Variants in UGT1A5 observed in about 807,000 individuals in gnomAD.
The protein encoded by UGT1A5 is UDP-glucuronosyltransferase 1A5.
In UGT1A5, 29 loss-of-function variants were observed where a neutral mutation model predicts 40.3. The observed-to-expected ratio is 0.72, with a 90% CI of 0.54 to 0.98. The LOEUF is 0.98. UGT1A5 is among the 50% of genes least tolerant of loss of function. The pLI, the probability that UGT1A5 is intolerant of heterozygous loss-of-function variation, is 0.00. For synonymous variants in UGT1A5, 257 were observed against 262.5 expected (o/e 0.98, Z 0.20); for missense variants, 678 against 677.9 (o/e 1.00, Z 0.00).
At position 233,769,202 on chromosome 2, in the gene UGT1A5, CACAG is replaced by C. The variant is rs1699813403; in HGVS notation, c.1307+767_1307+770del. Among the ~76,000 whole-genome samples the C allele has an allele frequency of 6.6e-6, 1 of 152,204 alleles. No homozygotes were observed. Among genetic ancestry groups the C allele is most frequent in the African/African-American group, 2.4e-5 (1 of 41,446 alleles). On this transcript the variant is annotated intron_variant, in intron 4 of 4. Coordinates refer to ENST00000373414, the MANE Select transcript of UGT1A5 (RefSeq NM_019078.2). The surrounding 1 kb of genome is among the most constrained non-coding windows in gnomAD (Gnocchi z 4.4). ...TATGAATGAAGGAGCTATAAGATAT[CACAG>C]ACAAAGTCTTAGAATAAGAGCAAAG...
At chr2:233,748,975 A>G (rs527445283) in intron 1 of UGT1A5, among the ~76,000 whole-genome samples, 1 of 151,758 alleles carries the variant, frequency 6.6e-6, no homozygotes, top group African/African-American at 2.4e-5. Context: ...AGTGGGATCT[A>G]CTTCTTTACC....
chr2:233,761,169 A>C, intron 1 of UGT1A5: 1 of 1,614,188 alleles, frequency 6.2e-7, no homozygotes, highest in Non-Finnish European at 8.5e-7. Flanking sequence ...TTGGAGTGGG[A>C]CTTTTACATG....
At chr2:233,740,937 T>A (rs1575638428) in intron 1 of UGT1A5, 2 of 146,280 alleles carry the variant, frequency 1.4e-5, no homozygotes, top group Admixed American at 6.8e-5. Context: ...GTTTTTTTTT[T>A]AATTAGCTAG....
chr2:233,772,599 C>A lies in UGT1A5; in HGVS notation c.*40C>A, dbSNP rs1313882407. ...ATAAGGTAAAATTTTGAACCATTCC[C>A]TAGTCATTTCCAAACTTGAAAACAG... On this transcript the variant is annotated 3_prime_UTR_variant, in exon 5 of 5. Coordinates refer to ENST00000373414, the MANE Select transcript of UGT1A5 (RefSeq NM_019078.2). 3.8e-6 allele frequency: 6 copies of A among 1,591,492 alleles called. No individual in the cohort carries two copies. Among genetic ancestry groups the A allele is most frequent in the Non-Finnish European group, 5.1e-6 (6 of 1,168,132 alleles).
intron 4 of UGT1A5, chr2:233,770,632 T>G (rs561537548): frequency 1.3e-5 from 2 of 150,950 alleles, no homozygotes; most frequent in Admixed American, 6.6e-5. Flanking sequence ...CACTCCAGCC[T>G]GGGCGACAGA....
At chr2:233,731,645 T>A (rs910994370) in intron 1 of UGT1A5, among the ~76,000 whole-genome samples, 2 of 152,242 alleles carry the variant, frequency 1.3e-5, no homozygotes, top group Non-Finnish European at 2.9e-5. Context: ...TAGTATTCCA[T>A]GGTGTATATG....
rs267599271 is a variant in UGT1A5, at chr2:233,713,125, G to A, written c.134G>A (p.Arg45Gln). Residue 45 changes from arginine to glutamine, a missense_variant, in exon 1 of 5, where the codon CGG becomes CAG. Physicochemically the swap from Arg to Gln is conservative, Grantham distance 43 (BLOSUM62 1). Transcript: ENST00000373414. ...PTDGSHWLSMREALRDLHARG... is the reference protein window; with the variant it reads ...PTDGSHWLSMQEALRDLHARG... ...GATGGCAGCCACTGGCTCAGCATGC[G>A]GGAGGCCTTGCGGGACCTCCATGCG... 5.5e-5 allele frequency: 89 copies of A among 1,614,190 alleles called. No homozygotes were observed. Among genetic ancestry groups the A allele is most frequent in the Admixed American group, 3.2e-4 (19 of 60,030 alleles).
intron 1 of UGT1A5, chr2:233,747,256 G>T: frequency 6.2e-7 from 1 of 1,600,772 alleles, no homozygotes; most frequent in Non-Finnish European, 8.5e-7. Flanking sequence ...GCTGGCCACA[G>T]GAGTGCTACT....
At chr2:233,747,816 T>A in intron 1 of UGT1A5, 1 of 1,613,472 alleles carries the variant, frequency 6.2e-7, no homozygotes, top group Non-Finnish European at 8.5e-7. Flanking sequence ...AACGACCAAT[T>A]CAGACCACAT....
At chr2:233,749,891 C>G (rs769638729) in intron 1 of UGT1A5, among the ~76,000 whole-genome samples, 2 of 151,948 alleles carry the variant, frequency 1.3e-5, no homozygotes, top group African/African-American at 4.9e-5. Context: ...CTGAGGCTCC[C>G]CCCTCCAGCC....
At chr2:233,729,589 A>C (rs2077888801) in intron 1 of UGT1A5, 4 of 1,614,098 alleles carry the variant, frequency 2.5e-6, no homozygotes, top group Non-Finnish European at 2.5e-6. Context: ...AGACCCCGTT[A>C]ACCTCTGCGC....
rs1475467341 is a variant in UGT1A5 at position 233,713,411 on chromosome 2, C to G, written c.420C>G (p.His140Gln). 3.7e-6 allele frequency: 6 copies of G among 1,614,112 alleles called. No individual in the cohort carries two copies. Among genetic ancestry groups the G allele is most frequent in the Non-Finnish European group, 5.1e-6 (6 of 1,180,024 alleles). ...ELLHNEALIRHLHATSFDVVL... is the reference protein window; with the variant it reads ...ELLHNEALIRQLHATSFDVVL... The stretch of plus-strand genomic sequence containing the variant: ...TGCATAATGAGGCCCTGATCAGGCA[C>G]CTGCATGCTACTTCCTTTGATGTGG... Residue 140 changes from histidine (H) to glutamine (Q), a missense_variant, in exon 1 of 5, where the codon CAC becomes CAG. Physicochemically the swap from His to Gln is conservative, Grantham distance 24. Coordinates refer to ENST00000373414, the MANE Select transcript of UGT1A5 (RefSeq NM_019078.2).
intron 1 of UGT1A5, 116 bp from the exon 2 acceptor site, chr2:233,766,918 A>G: frequency 1.3e-6 from 2 of 1,548,282 alleles, no homozygotes; most frequent in Non-Finnish European, 1.7e-6. Flanking sequence ...TCTATCTCAA[A>G]CACGCATGCC....
At chr2:233,770,243 A>G (rs1307269506) in intron 4 of UGT1A5, 1 of 152,248 alleles carries the variant, frequency 6.6e-6, no homozygotes, top group African/African-American at 2.4e-5. Context: ...CCATGATTCC[A>G]ACACTCTGAG....
At chr2:233,731,661 C>T (rs2078189507) in intron 1 of UGT1A5, among the ~76,000 whole-genome samples, 1 of 152,192 alleles carries the variant, frequency 6.6e-6, no homozygotes, top group South Asian at 2.1e-4. Flanking sequence ...ATATGTGCCA[C>T]ATTTTCTTAA....
At position 233,765,603 on chromosome 2, in the gene UGT1A5, T is replaced by C. The variant is rs376691829; in HGVS notation, c.868-1431T>C. ...GGGGAACAACACACACCAGGGCTTG[T>C]GGCGGGGTGAGGGGTGAGGGGAGGA... On this transcript the variant is annotated intron_variant, in intron 1 of 4. Coordinates refer to ENST00000373414, the MANE Select transcript of UGT1A5 (RefSeq NM_019078.2). Among the ~76,000 whole-genome samples, 8 of 151,018 alleles carry C rather than the reference T, an allele frequency of 5.3e-5. No individual in the cohort carries two copies. In the East Asian group the frequency reaches 5.8e-4, roughly 11 times the overall value.
At position 233,769,418 on chromosome 2, in the gene UGT1A5, C is replaced by T; in HGVS notation, c.1307+979C>T. The T allele has an allele frequency of 1.4e-6, 2 of 1,431,096 alleles. No individual in the cohort carries two copies. The highest frequency in any genetic ancestry group is 1.9e-6 in the Non-Finnish European group (2 of 1,028,754). The allele number at this position is 1,431,096 out of a possible 1,614,324, so 88.6% of individuals were successfully genotyped here. ...GTGCATATGTGCGTGTGCGTTTGTG[C>T]ATGTGGCTGTGCTCATGTGTGGGTG... On this transcript the variant is annotated intron_variant, in intron 4 of 4. Transcript: ENST00000373414. The surrounding 1 kb of genome is among the most constrained non-coding windows in gnomAD (Gnocchi z 4.4).
At chr2:233,743,713 A>G (rs753029773) in intron 1 of UGT1A5, 5 of 1,367,332 alleles carry the variant, frequency 3.7e-6, no homozygotes, top group South Asian at 2.3e-5. Flanking sequence ...CCGCCTCGCC[A>G]TAGCGGTCAT....
intron 1 of UGT1A5, chr2:233,743,008 TACA>T (rs1692158299): frequency 4.2e-6 from 1 of 239,364 alleles, no homozygotes; most frequent in Admixed American, 5.1e-5. Context: ...ACAGATATTT[TACA>T]ACGATTGAAA....
Sources: gnomAD v4.1 joint callset for allele counts (sites outside exome capture counted in the v4.1 genomes callset) on GRCh38, gnomAD v4.1.1 for gene constraint, Gnocchi (gnomAD v3.1) non-coding constraint, MANE v1.5 for transcripts, NCBI Gene and HGNC (gene_info 2026-07-23, HGNC 2026-07-21) for gene names.